TMEM132D: variants seen among roughly 807,000 people sequenced by gnomAD.
The protein encoded by TMEM132D is mature OL transmembrane protein.
Under a neutral mutation model 62.3 loss-of-function variants are expected in TMEM132D, and 21 were observed. The ratio of observed to expected loss-of-function variants is 0.34; its 90% CI spans 0.24 to 0.49. TMEM132D has a LOEUF of 0.49. Among genes scored for constraint, TMEM132D ranks in the 20% least tolerant of loss-of-function variants. The pLI, the probability that TMEM132D is intolerant of heterozygous loss-of-function variation, is 0.99. For synonymous variants in TMEM132D, 621 were observed against 575.6 expected (o/e 1.08, Z -1.13); for missense variants, 1,346 against 1,402.8 (o/e 0.96, Z 0.65).
intron 5 of TMEM132D, among the ~76,000 whole-genome samples, chr12:129,199,101 CCTTTT>C (rs1295221712): frequency 2.6e-5 from 3 of 113,864 alleles, no homozygotes; most frequent in African/African-American, 6.4e-5. Flanking sequence ...CGTCCATCTA[CCTTTT>C]TTTTTTTTTT....
intron 1 of TMEM132D, chr12:129,855,050 G>C (rs1873681580): frequency 6.5e-6 from 1 of 152,790 alleles, no homozygotes; most frequent in African/African-American, 2.4e-5. Context: ...CCCTATGCAA[G>C]ACAATCAGGG....
intron 3 of TMEM132D, among the ~76,000 whole-genome samples, chr12:129,389,422 A>G (rs1871235647): frequency 6.6e-6 from 1 of 152,000 alleles, no homozygotes; most frequent in South Asian, 2.1e-4. Context: ...AATACTAACA[A>G]CAATACCAAC....
Position 129,398,449 on chromosome 12 carries a change from C to G in TMEM132D, c.1116-60632G>C, listed in dbSNP as rs1250829036. Among the ~76,000 whole-genome samples, 5 of 152,186 alleles carry G rather than the reference C, an allele frequency of 3.3e-5. No homozygotes were observed. The East Asian group carries it at 9.6e-4, about 29-fold the overall frequency. On this transcript the variant is annotated intron_variant, in intron 3 of 8. Transcript: ENST00000422113. The stretch of plus-strand genomic sequence containing the variant: ...ACTTCTTGTATGTGGGAAGCACAAT[C>G]TTTCCAAGAAGACAATCAGCAGACA...
At chr12:129,488,201 T>C (rs1345434753) in intron 3 of TMEM132D, among the ~76,000 whole-genome samples, 3 of 152,082 alleles carry the variant, frequency 2.0e-5, no homozygotes, top group Non-Finnish European at 1.5e-5. Context: ...AATAACATGG[T>C]CTGTGGAACT....
chr12:129,636,315 C>T (rs1030886865), intron 2 of TMEM132D, among the ~76,000 whole-genome samples: 3 of 152,152 alleles, frequency 2.0e-5, no homozygotes, highest in Admixed American at 6.5e-5. Flanking sequence ...GGGTAAAATG[C>T]TTTGGTTCCT....
At chr12:129,270,495 C>T (rs1880825120) in intron 4 of TMEM132D, among the ~76,000 whole-genome samples, 2 of 152,286 alleles carry the variant, frequency 1.3e-5, no homozygotes, top group East Asian at 1.9e-4. Flanking sequence ...GAAAACAATG[C>T]GTGCCAATGT....
intron 5 of TMEM132D, among the ~76,000 whole-genome samples, chr12:129,087,223 G>C (rs765035553): frequency 1.3e-5 from 2 of 152,098 alleles, no homozygotes; most frequent in African/African-American, 2.4e-5. Context: ...CGTCATGTAG[G>C]ATCTGCCGTT....
intron 3 of TMEM132D, among the ~76,000 whole-genome samples, chr12:129,520,292 A>C (rs28577583): frequency 0.23 from 35,467 of 152,134 alleles, 4,791 homozygotes; most frequent in Non-Finnish European, 0.29. Flanking sequence ...CTTAAGGAGA[A>C]AGGCTTACTC....
intron 3 of TMEM132D, among the ~76,000 whole-genome samples, chr12:129,390,372 C>G (rs560288259): frequency 6.6e-6 from 1 of 152,284 alleles, no homozygotes; most frequent in South Asian, 2.1e-4. Context: ...GTGACCACTT[C>G]TTGTCTACAA....
At chr12:129,499,291 T>A (rs924193534) in intron 3 of TMEM132D, among the ~76,000 whole-genome samples, 1 of 152,082 alleles carries the variant, frequency 6.6e-6, no homozygotes, top group Non-Finnish European at 1.5e-5. Context: ...AAAACCAACA[T>A]CCCTGGAAAG....
intron 2 of TMEM132D, among the ~76,000 whole-genome samples, chr12:129,548,073 T>C (rs913942607): frequency 3.3e-5 from 5 of 152,322 alleles, no homozygotes; most frequent in South Asian, 4.1e-4. Context: ...CCTGTGCTGA[T>C]AGGAATTTAC....
At chr12:129,243,611 G>A (rs770692725) in intron 4 of TMEM132D, among the ~76,000 whole-genome samples, 2 of 151,996 alleles carry the variant, frequency 1.3e-5, no homozygotes, top group African/African-American at 2.4e-5. Context: ...TTTGGCCTTT[G>A]GCTTATTTCC....
intron 2 of TMEM132D, chr12:129,698,333 G>T (rs1477509003): frequency 6.6e-6 from 1 of 151,512 alleles, no homozygotes; most frequent in Non-Finnish European, 1.5e-5. Flanking sequence ...CCAGGCCAAA[G>T]GTTTTTACCT....
intron 1 of TMEM132D, among the ~76,000 whole-genome samples, chr12:129,851,907 C>G (rs1229860305): frequency 6.6e-6 from 1 of 152,202 alleles, no homozygotes; most frequent in Non-Finnish European, 1.5e-5. Flanking sequence ...GAATTTTGTG[C>G]AATTTTCACA....
chr12:129,561,532 T>C (rs905050752), intron 2 of TMEM132D, among the ~76,000 whole-genome samples: 1 of 152,108 alleles, frequency 6.6e-6, no homozygotes, highest in African/African-American at 2.4e-5. Context: ...CTCCCCGAGA[T>C]AGTGCTGGAG....
intron 5 of TMEM132D, among the ~76,000 whole-genome samples, chr12:129,126,498 C>A (rs1032019248): frequency 3.9e-5 from 6 of 151,992 alleles, no homozygotes; most frequent in African/African-American, 1.5e-4. Context: ...TTAATTAGCT[C>A]AGATAACATC....
intron 1 of TMEM132D, among the ~76,000 whole-genome samples, chr12:129,762,406 A>G (rs1291541105): frequency 3.3e-5 from 5 of 152,104 alleles, no homozygotes; most frequent in Non-Finnish European, 5.9e-5. Context: ...TTTAAATCCC[A>G]GAACAAGACA....
At chr12:129,354,917 C>T (rs896322970) in intron 3 of TMEM132D, among the ~76,000 whole-genome samples, 1 of 152,172 alleles carries the variant, frequency 6.6e-6, no homozygotes, top group Non-Finnish European at 1.5e-5. Flanking sequence ...CACTGAAGCA[C>T]CTTTCCATCC....
intron 3 of TMEM132D, among the ~76,000 whole-genome samples, chr12:129,515,696 C>G (rs531325628): frequency 6.6e-6 from 1 of 152,142 alleles, no homozygotes; most frequent in Non-Finnish European, 1.5e-5. Flanking sequence ...TATCTGAAGG[C>G]CAGGGGGAAT....
Sources: gnomAD v4.1 joint callset for allele counts (sites outside exome capture counted in the v4.1 genomes callset) on GRCh38, gnomAD v4.1.1 for gene constraint, MANE v1.5 for transcripts, NCBI Gene and HGNC (gene_info 2026-07-23, HGNC 2026-07-21) for gene names.